The following IDH2 variants were observed in gnomAD, a reference collection of about 807,000 sequenced individuals.
IDH2 encodes isocitrate dehydrogenase (NADP(+)) 2.
A neutral mutation model predicts 50.5 loss-of-function variants in IDH2; 18 were observed. The ratio of observed to expected loss-of-function variants is 0.36; its 90% CI spans 0.25 to 0.53. IDH2 has a LOEUF of 0.53. Among genes scored for constraint, IDH2 ranks in the 20% least tolerant of loss-of-function variants. The pLI is 0.92. For missense variants in IDH2, 518 were observed against 610.7 expected, an observed-to-expected ratio of 0.85 and a Z score of 1.60; for synonymous variants, 280 against 239.8, an observed-to-expected ratio of 1.17 and a Z score of -1.55.
In IDH2 at chr15:90,098,585, C is replaced by T. The variant is rs1901250553; in HGVS notation, c.115+3691G>A. On this transcript the variant is annotated intron_variant, in intron 1 of 10. Coordinates refer to ENST00000330062, the MANE Select transcript of IDH2 (RefSeq NM_002168.4). This position sits in a 1 kb window ranked among gnomAD's most constrained non-coding sequence, Gnocchi z 5.1. ...ATTGAGACAGAGTCTCACTCTGTCGCCTACACTGGAGGGCAGTGGCGTGAT... is the reference window on the plus strand; with the variant it reads ...ATTGAGACAGAGTCTCACTCTGTCGTCTACACTGGAGGGCAGTGGCGTGAT... 9.4e-6 allele frequency among the ~76,000 whole-genome samples: 1 copy of T among 106,722 alleles called. No individual in the cohort carries two copies. Among genetic ancestry groups the T allele is most frequent in the Non-Finnish European group, 2.2e-5 (1 of 44,466 alleles). The allele number at this position is 106,722 out of a possible 152,430, so 70.0% of individuals were successfully genotyped here.
At chr15:90,093,359 C>T (rs1354221013) in intron 1 of IDH2, among the ~76,000 whole-genome samples, 2 of 152,190 alleles carry the variant, frequency 1.3e-5, no homozygotes, top group Admixed American at 6.5e-5. Flanking sequence ...ATAGTTTTCC[C>T]TGCAATTCTA....
intron 1 of IDH2, 74 bp from the exon 2 acceptor site, chr15:90,091,718 C>T (rs1486302242): frequency 3.0e-5 from 36 of 1,198,516 alleles, no homozygotes; most frequent in Non-Finnish European, 4.1e-5. Flanking sequence ...CAGCCAGGCC[C>T]GCCCTTCACC....
chr15:90,094,816 C>T (rs998918588), intron 1 of IDH2, among the ~76,000 whole-genome samples: 9 of 152,094 alleles, frequency 5.9e-5, no homozygotes, highest in Admixed American at 2.0e-4. Context: ...GCAGGAGAAT[C>T]GCTTGAACCC....
At position 90,100,527 on chromosome 15, in the gene IDH2, A is replaced by T; in HGVS notation, c.115+1749T>A. The T allele has an allele frequency of 1.7e-6, 1 of 573,486 alleles. No homozygotes were observed. The highest frequency in any genetic ancestry group is 2.2e-6 in the Non-Finnish European group (1 of 453,342). 35.5% of individuals were successfully genotyped at this position (573,486 alleles called of 1,614,324 possible). ...GGAAGGCTAGATAAGTAATTCTGCC[A>T]CTGAGCCGTTCACAGAACTGGTCCG... On this transcript the variant is annotated intron_variant, in intron 1 of 10. Transcript: ENST00000330062. The surrounding 1 kb of genome is among the most constrained non-coding windows in gnomAD (Gnocchi z 4.1).
intron 7 of IDH2, among the ~76,000 whole-genome samples, chr15:90,086,285 A>C (rs1337129807): frequency 6.6e-6 from 1 of 151,868 alleles, no homozygotes; most frequent in Non-Finnish European, 1.5e-5. Flanking sequence ...TTCACTCTCT[A>C]TGTCCTGCCT....
chr15:90,085,519 A>C lies in IDH2; in HGVS notation c.968-132T>G, dbSNP rs1367585013. The C allele has an allele frequency of 1.8e-4, 131 of 724,874 alleles. No homozygotes were observed. Among genetic ancestry groups the C allele is most frequent in the Non-Finnish European group, 2.0e-5 (8 of 406,010 alleles). The allele number at this position is 724,874 out of a possible 1,614,324, so 44.9% of individuals were successfully genotyped here. ...CTCTACTCAGCCTCCCCCAGCTGCA[A>C]CTGGGAGGACAGGGACTGTTCCAGG... On this transcript the variant is annotated intron_variant, in intron 7 of 10. Coordinates refer to ENST00000330062, the MANE Select transcript of IDH2 (RefSeq NM_002168.4). The surrounding 1 kb of genome is among the most constrained non-coding windows in gnomAD (Gnocchi z 5.5).
chr15:90,090,519 G>C lies in IDH2; in HGVS notation c.333C>G (p.Val111=). The C allele has an allele frequency of 6.2e-7, 1 of 1,614,076 alleles. No homozygotes were observed. The highest frequency in any genetic ancestry group is 8.5e-7 in the Non-Finnish European group (1 of 1,180,030). ...ALATQKYSVA[V]KCATITPDEA... ...CATCAGGGGTGATGGTGGCACACTT[G>C]ACAGCCACACTGTACTTCTGGGTGG... is the stretch of plus-strand genomic sequence containing the variant. The change falls in exon 3 of 11, where the codon GTC becomes GTG. Residue 111 remains valine (V), a synonymous_variant. Transcript: ENST00000330062.
Position 90,088,591 on chromosome 15 carries a change from T to TG in IDH2, c.529_530insC (p.Asp177AlafsTer95). On this transcript the variant is annotated frameshift_variant, in exon 4 of 11. Transcript: ENST00000330062. LOFTEE classifies it high-confidence loss of function. ...CCCCTCTCCACCCTGGCCTACCTGGTCGCCATGGGCGTGCCTGCCAATGGT... is the reference window on the plus strand; with the variant it reads ...CCCCTCTCCACCCTGGCCTACCTGGTGCGCCATGGGCGTGCCTGCCAATGGT... 6.2e-7 allele frequency: 1 copy of TG among 1,614,202 alleles called. No homozygotes were observed. Among genetic ancestry groups the TG allele is most frequent in the Non-Finnish European group, 8.5e-7 (1 of 1,180,040 alleles).
intron 1 of IDH2, among the ~76,000 whole-genome samples, chr15:90,101,266 C>T (rs1901323505): frequency 6.6e-6 from 1 of 152,216 alleles, no homozygotes; most frequent in Non-Finnish European, 1.5e-5. Context: ...CTCTTCCTCA[C>T]TCTCCTGGCT....
At chr15:90,092,168 T>C (rs1259106401) in intron 1 of IDH2, among the ~76,000 whole-genome samples, 2 of 152,126 alleles carry the variant, frequency 1.3e-5, no homozygotes, top group Non-Finnish European at 2.9e-5. Context: ...AATGTAATAA[T>C]AATAGAAATA....
rs1334203872 is a variant in IDH2 at position 90,084,788 on chromosome 15, G to T, written c.1271+28C>A. ...CTGGCTTCCTCCCACATGGCCCCAG[G>T]GTCTGCCTACCACCCCAGGCCACGC... is the stretch of plus-strand genomic sequence containing the variant. On this transcript the variant is annotated intron_variant, in intron 10 of 10. Coordinates refer to ENST00000330062, the MANE Select transcript of IDH2 (RefSeq NM_002168.4). The surrounding 1 kb of genome is among the most constrained non-coding windows in gnomAD (Gnocchi z 5.0). 6.3e-7 allele frequency: 1 copy of T among 1,588,576 alleles called. No homozygotes were observed. Among genetic ancestry groups the T allele is most frequent in the South Asian group, 1.1e-5 (1 of 90,614 alleles).
intron 1 of IDH2, among the ~76,000 whole-genome samples, chr15:90,097,627 T>C (rs909108684): frequency 1.3e-5 from 2 of 152,116 alleles, no homozygotes; most frequent in African/African-American, 4.8e-5. Context: ...GTCAAATTCA[T>C]AGAAACAGAA....
rs1472715809 is a variant in IDH2, at chr15:90,085,363, G to A, written c.992C>T (p.Thr331Met). 2.6e-6 allele frequency: 4 copies of A among 1,557,372 alleles called. No homozygotes were observed. The Admixed American group carries it at 5.8e-5, about 23-fold the overall frequency. Residue 331 changes from threonine to methionine, a missense_variant, in exon 8 of 11, where the codon ACG becomes ATG. Around this residue, in one of 5 missense-constraint regions of IDH2, gnomAD observed 135 missense variants for 167.6 expected, o/e 0.81. Transcript: ENST00000330062. This position sits in a 1 kb window ranked among gnomAD's most constrained non-coding sequence, Gnocchi z 5.5. ...CCCATCAGGGCAGACCAGGACGGAC[G>A]TCATCAGGCCAAGGGAGCCAAAGCC... ...AQGFGSLGLM[T>M]SVLVCPDGKT...
At position 90,088,264 on chromosome 15, in the gene IDH2, G is replaced by A. The variant is rs558137284; in HGVS notation, c.678+95C>T. On this transcript the variant is annotated intron_variant, in intron 5 of 10. Coordinates refer to ENST00000330062, the MANE Select transcript of IDH2 (RefSeq NM_002168.4). ...CCATTTCTGCCTCTTTGTGGCCTAA[G>A]AATGAGGCCATTACAGAAGAAAGGA... 3.4e-6 allele frequency: 5 copies of A among 1,485,686 alleles called. No homozygotes were observed. The East Asian group carries it at 1.1e-4, about 34-fold the overall frequency. The allele number at this position is 1,485,686 out of a possible 1,614,324, so 92.0% of individuals were successfully genotyped here.
chr15:90,086,991 C>T, intron 7 of IDH2, 121 bp downstream of exon 7: 1 of 1,091,794 alleles, frequency 9.2e-7, no homozygotes, highest in Non-Finnish European at 1.4e-6. Context: ...CTGCTGTCCA[C>T]AGAGGACCCT....
At chr15:90,101,133 C>T (rs1032052596) in intron 1 of IDH2, among the ~76,000 whole-genome samples, 2 of 152,054 alleles carry the variant, frequency 1.3e-5, no homozygotes, top group Admixed American at 6.6e-5. Context: ...CCCCTTTCTC[C>T]TTGGCAGGGA....
intron 6 of IDH2, 48 bp downstream of exon 6, chr15:90,087,391 A>G: frequency 6.2e-7 from 1 of 1,613,816 alleles, no homozygotes; most frequent in Non-Finnish European, 8.5e-7. Context: ...TGGGAACAGC[A>G]TGGGGGGAAG....
intron 3 of IDH2, among the ~76,000 whole-genome samples, chr15:90,089,473 C>T (rs928298581): frequency 6.6e-6 from 1 of 152,146 alleles, no homozygotes; most frequent in Non-Finnish European, 1.5e-5. Context: ...CCACATGCTC[C>T]GGTCCTGGCC....
chr15:90,085,420 C>T lies in IDH2; in HGVS notation c.968-33G>A, dbSNP rs567288602. 3.6e-5 allele frequency: 52 copies of T among 1,462,586 alleles called. No homozygotes were observed. In the South Asian group the frequency reaches 4.9e-4, roughly 14 times the overall value. 90.6% of individuals were successfully genotyped at this position (1,462,586 alleles called of 1,614,324 possible). A position where few individuals can be genotyped will look rare whatever the true frequency, so the allele number is the denominator to read the frequency against. On this transcript the variant is annotated intron_variant, in intron 7 of 10. Coordinates refer to ENST00000330062, the MANE Select transcript of IDH2 (RefSeq NM_002168.4). This position sits in a 1 kb window ranked among gnomAD's most constrained non-coding sequence, Gnocchi z 5.5. Reference sequence around the variant, plus strand: ...GTAGAAAGCCTTTCTCTCAGGGCCTCGCCTCTCCTGGGGCCACCCAGCTGA... The same window carrying T: ...GTAGAAAGCCTTTCTCTCAGGGCCTTGCCTCTCCTGGGGCCACCCAGCTGA...
Sources: gnomAD v4.1 joint callset for allele counts (sites outside exome capture counted in the v4.1 genomes callset) on GRCh38, gnomAD v4.1.1 for gene constraint, gnomAD v4.1.1 regional missense constraint, Gnocchi (gnomAD v3.1) non-coding constraint, MANE v1.5 for transcripts, NCBI Gene and HGNC (gene_info 2026-07-23, HGNC 2026-07-21) for gene names.